The following PDE3B variants were observed in gnomAD, a reference collection of about 807,000 sequenced individuals.
PDE3B encodes cGMP-inhibited 3',5'-cyclic phosphodiesterase 3B.
PDE3B carries 66 observed loss-of-function variants against 116.8 expected under a neutral mutation model. That is an observed-to-expected ratio of 0.56 (90% CI 0.46 to 0.69). The LOEUF is 0.69. Among genes scored for constraint, PDE3B ranks in the 30% least tolerant of loss-of-function variants. The pLI is 0.00. For synonymous variants in PDE3B, 595 were observed against 533.6 expected (o/e 1.12, Z -1.59); for missense variants, 1,384 against 1,368.1 (o/e 1.01, Z -0.18).
chr11:14,690,597 G>A (rs1353420493), intron 1 of PDE3B, among the ~76,000 whole-genome samples: 1 of 140,234 alleles, frequency 7.1e-6, no homozygotes, highest in Non-Finnish European at 1.6e-5. Context: ...ATCTAATTTT[G>A]TATTTGTAAT....
At chr11:14,763,966 A>G (rs907159474) in intron 1 of PDE3B, among the ~76,000 whole-genome samples, 5 of 152,114 alleles carry the variant, frequency 3.3e-5, no homozygotes, top group Non-Finnish European at 5.9e-5. Context: ...AATAAAATTC[A>G]CTAAAAAGTG....
intron 1 of PDE3B, among the ~76,000 whole-genome samples, chr11:14,675,304 G>T (rs1020162501): frequency 6.6e-6 from 1 of 152,078 alleles, no homozygotes; most frequent in Middle Eastern, 3.4e-3. Context: ...AATCTTTGGG[G>T]TCGTTCCTTT....
chr11:14,701,136 C>T (rs1456511132), intron 1 of PDE3B, among the ~76,000 whole-genome samples: 1 of 151,480 alleles, frequency 6.6e-6, no homozygotes, highest in Non-Finnish European at 1.5e-5. Context: ...TTAATCTTCC[C>T]CCACAAATTT....
At chr11:14,881,071 T>C in the PDE3B span, among the ~76,000 whole-genome samples, 1 of 152,220 alleles carries the variant, frequency 6.6e-6, no homozygotes, top group East Asian at 1.9e-4. Context: ...TATCCAACTT[T>C]TACTATAAGC....
chr11:14,861,316 G>C lies in PDE3B; in HGVS notation c.2836G>C (p.Asp946His). Residue 946 changes from aspartate to histidine, a missense_variant, in exon 14 of 16, where the codon GAC becomes CAC. Physicochemically the swap from Asp to His is moderately conservative, Grantham distance 81 (BLOSUM62 -1). Around this residue, in one of 2 missense-constraint regions of PDE3B, gnomAD observed 428 missense variants for 561.4 expected, o/e 0.76. Transcript: ENST00000282096. Reference protein sequence around the residue: ...ADINGPAKVRDLHLKWTEGIV... With the variant: ...ADINGPAKVRHLHLKWTEGIV... ...TATAAATGGCCCAGCAAAAGTTCGAGACTTGCATTTGAAATGGACAGAAGG... is the reference window on the plus strand; with the variant it reads ...TATAAATGGCCCAGCAAAAGTTCGACACTTGCATTTGAAATGGACAGAAGG... 2 of 1,613,866 alleles carry C rather than the reference G, an allele frequency of 1.2e-6. No homozygotes were observed. The highest frequency in any genetic ancestry group is 2.2e-5 in the South Asian group (2 of 91,058).
chr11:14,727,569 A>G (rs1279956789), intron 1 of PDE3B, among the ~76,000 whole-genome samples: 1 of 152,154 alleles, frequency 6.6e-6, no homozygotes, highest in Non-Finnish European at 1.5e-5. Context: ...TGGTAAAGTT[A>G]ATACTTCTTT....
At chr11:14,776,279 A>C (rs948520375) in intron 2 of PDE3B, 2 of 152,222 alleles carry the variant, frequency 1.3e-5, no homozygotes, top group African/African-American at 4.8e-5. Context: ...GACCAGGGAG[A>C]AGCATTCTCC....
chr11:14,692,031 G>A (rs1448892094), intron 1 of PDE3B, among the ~76,000 whole-genome samples: 1 of 152,128 alleles, frequency 6.6e-6, no homozygotes, highest in African/African-American at 2.4e-5. Flanking sequence ...ACTTTGGGAG[G>A]CTGAGGTGGG....
intron 1 of PDE3B, among the ~76,000 whole-genome samples, chr11:14,664,068 C>T (rs763502277): frequency 6.6e-6 from 1 of 152,228 alleles, no homozygotes; most frequent in Admixed American, 6.5e-5. Flanking sequence ...CAAGCTGTCT[C>T]TCAGACCACA....
the PDE3B span, among the ~76,000 whole-genome samples, chr11:14,884,723 A>C: frequency 6.6e-6 from 1 of 152,000 alleles, no homozygotes; most frequent in Non-Finnish European, 1.5e-5. Flanking sequence ...AAATAAAAAA[A>C]CACATAATTT....
At chr11:14,648,228 A>G (rs1227725170) in intron 1 of PDE3B, among the ~76,000 whole-genome samples, 2 of 152,066 alleles carry the variant, frequency 1.3e-5, no homozygotes, top group African/African-American at 4.8e-5. Context: ...TGAAAGGCAT[A>G]AGTTAGTGTG....
At chr11:14,792,779 A>C (rs1021278874) in intron 4 of PDE3B, among the ~76,000 whole-genome samples, 4 of 152,188 alleles carry the variant, frequency 2.6e-5, no homozygotes, top group Non-Finnish European at 5.9e-5. Flanking sequence ...TTTAAAAAGC[A>C]ATTTAACTGG....
At chr11:14,721,999 C>G (rs1033979527) in intron 1 of PDE3B, among the ~76,000 whole-genome samples, 1 of 150,100 alleles carries the variant, frequency 6.7e-6, no homozygotes, top group African/African-American at 2.5e-5. Flanking sequence ...ATGATGAGTT[C>G]ATGTCCTTTG....
At chr11:14,742,534 T>C (rs182507679) in intron 1 of PDE3B, among the ~76,000 whole-genome samples, 1 of 152,328 alleles carries the variant, frequency 6.6e-6, no homozygotes, top group East Asian at 1.9e-4. Flanking sequence ...TAGGACATGC[T>C]CCTTTAGCTC....
intron 1 of PDE3B, among the ~76,000 whole-genome samples, chr11:14,740,629 C>T (rs553184521): frequency 7.1e-4 from 108 of 152,222 alleles, no homozygotes; most frequent in African/African-American, 2.5e-3. Flanking sequence ...TTAGTTATTT[C>T]TGGTCTTCTG....
chr11:14,742,298 GTT>G (rs1856796854), intron 1 of PDE3B, among the ~76,000 whole-genome samples: 1 of 151,854 alleles, frequency 6.6e-6, no homozygotes, highest in African/African-American at 2.4e-5. Flanking sequence ...TTTTCATTCT[GTT>G]TTCTCTAATC....
chr11:14,722,589 A>G (rs928293462), intron 1 of PDE3B, among the ~76,000 whole-genome samples: 3 of 152,204 alleles, frequency 2.0e-5, no homozygotes, highest in Non-Finnish European at 4.4e-5. Flanking sequence ...TCATATATTT[A>G]CATCAAATCT....
At chr11:14,859,288 TGTCA>T in intron 13 of PDE3B, 42 bp downstream of exon 13, 3 of 1,380,452 alleles carry the variant, frequency 2.2e-6, no homozygotes, top group Non-Finnish European at 3.0e-6. Flanking sequence ...AAATCTTTAT[TGTCA>T]GTGTTACTGA....
At chr11:14,659,787 G>A (rs1853835019) in intron 1 of PDE3B, among the ~76,000 whole-genome samples, 1 of 152,086 alleles carries the variant, frequency 6.6e-6, no homozygotes, top group South Asian at 2.1e-4. Context: ...ACACATTTTT[G>A]CTGTGACTAT....
Sources: allele counts gnomAD v4.1 joint callset (sites outside exome capture counted in the v4.1 genomes callset), GRCh38; gene constraint gnomAD v4.1.1; regional missense constraint gnomAD v4.1.1; transcripts MANE v1.5; gene names NCBI Gene and HGNC (gene_info 2026-07-23, HGNC 2026-07-21).